LUZP2: variants seen among roughly 807,000 people sequenced by gnomAD.
LUZP2 encodes leucine zipper protein 2.
LUZP2 carries 52 observed loss-of-function variants against 51.6 expected under a neutral mutation model. The ratio of observed to expected loss-of-function variants is 1.01; its 90% CI spans 0.81 to 1.27. The LOEUF (loss-of-function observed/expected upper bound fraction) is 1.27. Ranked by LOEUF, LUZP2 falls within the 50% of genes most tolerant of loss-of-function variation. The pLI is 0.00. For missense variants in LUZP2, 436 were observed against 395.4 expected (o/e 1.10, Z -0.87); for synonymous variants, 154 against 137.3 (o/e 1.12, Z -0.85).
At chr11:24,895,706 G>A (rs1853019606) in intron 5 of LUZP2, among the ~76,000 whole-genome samples, 1 of 152,152 alleles carries the variant, frequency 6.6e-6, no homozygotes. Flanking sequence ...TTTTAGGGTT[G>A]CATAGTATTC....
chr11:24,546,701 A>G (rs1280278861), intron 1 of LUZP2, among the ~76,000 whole-genome samples: 1 of 151,958 alleles, frequency 6.6e-6, no homozygotes, highest in African/African-American at 2.4e-5. Flanking sequence ...TTTTTGCATC[A>G]ATGTTCATCA....
At chr11:24,708,143 A>G (rs775395358) in intron 1 of LUZP2, among the ~76,000 whole-genome samples, 10 of 152,182 alleles carry the variant, frequency 6.6e-5, no homozygotes, top group Non-Finnish European at 1.2e-4. Flanking sequence ...GAGGAAGTTA[A>G]GTTTAAAAGT....
intron 1 of LUZP2, among the ~76,000 whole-genome samples, chr11:24,573,086 A>C (rs541720736): frequency 6.2e-4 from 93 of 149,486 alleles, no homozygotes; most frequent in African/African-American, 2.2e-3. Context: ...CAGATAAATG[A>C]AGGAAATTAT....
intron 5 of LUZP2, among the ~76,000 whole-genome samples, chr11:24,819,377 A>G (rs1850288027): frequency 6.6e-6 from 1 of 152,082 alleles, no homozygotes; most frequent in Admixed American, 6.6e-5. Flanking sequence ...TAATTTCCAT[A>G]TGAGAAAAAA....
chr11:24,730,473 G>A (rs1265684827), intron 2 of LUZP2, among the ~76,000 whole-genome samples: 2 of 151,642 alleles, frequency 1.3e-5, no homozygotes, highest in Non-Finnish European at 3.0e-5. Flanking sequence ...AACAGCGCAG[G>A]AATCATCGTG....
intron 10 of LUZP2, among the ~76,000 whole-genome samples, chr11:25,067,622 A>T (rs1049710043): frequency 3.9e-5 from 6 of 152,100 alleles, no homozygotes; most frequent in African/African-American, 1.4e-4. Context: ...AGCCACAGTG[A>T]GATACCACCT....
chr11:24,819,951 AT>A (rs746009328), intron 5 of LUZP2, among the ~76,000 whole-genome samples: 1 of 152,110 alleles, frequency 6.6e-6, no homozygotes, highest in Non-Finnish European at 1.5e-5. Context: ...AATTTCAATT[AT>A]TCATGCATTT....
intron 1 of LUZP2, among the ~76,000 whole-genome samples, chr11:24,628,246 GTCTA>G (rs1167967992): frequency 6.6e-6 from 1 of 151,616 alleles, no homozygotes; most frequent in Non-Finnish European, 1.5e-5. Flanking sequence ...TGGGATACAT[GTCTA>G]TCTATGCCTG....
At chr11:24,678,085 G>GT (rs983716670) in intron 1 of LUZP2, among the ~76,000 whole-genome samples, 1 of 132,364 alleles carries the variant, frequency 7.6e-6, no homozygotes, top group African/African-American at 2.7e-5. Flanking sequence ...AGGGGGGGGG[G>GT]GGTGATTACT....
At chr11:24,733,408 A>C (rs181450262) in intron 3 of LUZP2, among the ~76,000 whole-genome samples, 25 of 151,912 alleles carry the variant, frequency 1.6e-4, no homozygotes. Flanking sequence ...CATAAGCAAC[A>C]TTTTGAATAG....
intron 5 of LUZP2, among the ~76,000 whole-genome samples, chr11:24,770,093 C>G (rs1860352555): frequency 6.6e-6 from 1 of 152,196 alleles, no homozygotes; most frequent in African/African-American, 2.4e-5. Context: ...TGCACCAGGA[C>G]ACTAAATTCT....
chr11:24,672,491 CA>C (rs1856429678), intron 1 of LUZP2, among the ~76,000 whole-genome samples: 1 of 152,046 alleles, frequency 6.6e-6, no homozygotes, highest in African/African-American at 2.4e-5. Context: ...TTCAACAACT[CA>C]GAAAACATTT....
At chr11:24,546,381 C>G (rs558408145) in intron 1 of LUZP2, among the ~76,000 whole-genome samples, 3 of 152,012 alleles carry the variant, frequency 2.0e-5, no homozygotes. Context: ...GAAATGCTTC[C>G]AGCTCCTCCC....
intron 1 of LUZP2, among the ~76,000 whole-genome samples, chr11:24,558,680 G>A (rs1243690853): frequency 6.6e-6 from 1 of 152,170 alleles, no homozygotes. Flanking sequence ...AAGTGATTAA[G>A]TCATGAGAGC....
intron 7 of LUZP2, among the ~76,000 whole-genome samples, chr11:24,946,000 G>T (rs1022855603): frequency 6.6e-6 from 1 of 151,980 alleles, no homozygotes; most frequent in South Asian, 2.1e-4. Context: ...CCAGGGAAAA[G>T]ATAGTCTAAT....
intron 5 of LUZP2, chr11:24,786,258 T>A: frequency 1.0e-6 from 1 of 968,556 alleles, no homozygotes; most frequent in Non-Finnish European, 1.2e-6. Flanking sequence ...CATGCATGTT[T>A]GATATAAAAA....
chr11:24,771,747 C>A (rs1055391638), intron 5 of LUZP2, among the ~76,000 whole-genome samples: 7 of 152,032 alleles, frequency 4.6e-5, no homozygotes, highest in African/African-American at 1.7e-4. Flanking sequence ...ATAATTGAAT[C>A]ATGGGGGCAG....
At chr11:24,997,941 G>A (rs1157534946) in intron 9 of LUZP2, among the ~76,000 whole-genome samples, 15 of 152,056 alleles carry the variant, frequency 9.9e-5, no homozygotes, top group East Asian at 9.7e-4. Flanking sequence ...GATATGCAGC[G>A]TTATTTCTGA....
intron 5 of LUZP2, among the ~76,000 whole-genome samples, chr11:24,813,286 C>T (rs1234820009): frequency 6.6e-6 from 1 of 152,128 alleles, no homozygotes; most frequent in Non-Finnish European, 1.5e-5. Flanking sequence ...CTAAATAGAG[C>T]CTGTATTAGG....
Sources: gnomAD v4.1 joint callset for allele counts (sites outside exome capture counted in the v4.1 genomes callset) on GRCh38, gnomAD v4.1.1 for gene constraint, MANE v1.5 for transcripts, NCBI Gene and HGNC (gene_info 2026-07-23, HGNC 2026-07-21) for gene names.